PDE1C: variants seen among roughly 807,000 people sequenced by gnomAD.
The protein encoded by PDE1C is dual specificity calcium/calmodulin-dependent 3',5'-cyclic nucleotide phosphodiesterase 1C.
PDE1C carries 62 observed loss-of-function variants against 93.1 expected under a neutral mutation model. The observed-to-expected ratio is 0.67, with a 90% CI of 0.54 to 0.82. The LOEUF is 0.82. Among genes scored for constraint, PDE1C ranks in the 40% least tolerant of loss-of-function variants. PDE1C has a pLI of 0.00. For synonymous variants in PDE1C, 325 were observed against 310.1 expected (o/e 1.05, Z -0.50); for missense variants, 742 against 884.6 (o/e 0.84, Z 2.04).
chr7:32,269,438 A>T (rs1810818268), intron 1 of PDE1C, among the ~76,000 whole-genome samples: 1 of 142,270 alleles, frequency 7.0e-6, no homozygotes, highest in Non-Finnish European at 1.5e-5. Flanking sequence ...TGTAGGATAT[A>T]TTTTTTTGAT....
intron 1 of PDE1C, among the ~76,000 whole-genome samples, chr7:32,223,286 C>A (rs1051435881): frequency 1.8e-4 from 28 of 152,190 alleles, no homozygotes; most frequent in Non-Finnish European, 4.0e-4. Context: ...TAGTGGCCAC[C>A]CTGACAGACC....
chr7:32,246,241 T>A (rs1808940944), intron 1 of PDE1C, among the ~76,000 whole-genome samples: 1 of 152,150 alleles, frequency 6.6e-6, no homozygotes, highest in South Asian at 2.1e-4. Context: ...AGTGCTGGGA[T>A]TACAGGCGTG....
intron 3 of PDE1C, among the ~76,000 whole-genome samples, chr7:32,120,478 G>T (rs1405883952): frequency 6.6e-6 from 1 of 152,110 alleles, no homozygotes; most frequent in Non-Finnish European, 1.5e-5. Flanking sequence ...CATTCCTACT[G>T]GCATCAGGTT....
At chr7:32,221,621 G>A (rs541020259) in intron 1 of PDE1C, among the ~76,000 whole-genome samples, 13 of 152,288 alleles carry the variant, frequency 8.5e-5, no homozygotes, top group African/African-American at 1.4e-4. Flanking sequence ...GACATAACCC[G>A]CATTGAAAAG....
At chr7:32,386,842 C>T (rs1318122713) in intron 1 of PDE1C, among the ~76,000 whole-genome samples, 2 of 152,102 alleles carry the variant, frequency 1.3e-5, no homozygotes, top group Non-Finnish European at 2.9e-5. Flanking sequence ...TCGATTTGCC[C>T]TCTTACTGCA....
chr7:32,393,992 A>G (rs932725575), intron 1 of PDE1C, among the ~76,000 whole-genome samples: 19 of 152,198 alleles, frequency 1.2e-4, no homozygotes, highest in African/African-American at 4.3e-4. Context: ...TGCTTTTTTA[A>G]GATTGATAAA....
At chr7:31,769,167 G>T (rs1384570044) in intron 17 of PDE1C, among the ~76,000 whole-genome samples, 1 of 152,070 alleles carries the variant, frequency 6.6e-6, no homozygotes, top group African/African-American at 2.4e-5. Flanking sequence ...ATGTTTTAAT[G>T]TGCCTTCACT....
intron 1 of PDE1C, among the ~76,000 whole-genome samples, chr7:32,053,011 G>T (rs188680986): frequency 2.0e-5 from 3 of 152,230 alleles, no homozygotes; most frequent in Admixed American, 2.0e-4. Flanking sequence ...GGACTATATA[G>T]AGATATTTCC....
chr7:32,034,026 A>G (rs1377649718), intron 2 of PDE1C, among the ~76,000 whole-genome samples: 1 of 150,734 alleles, frequency 6.6e-6, no homozygotes, highest in African/African-American at 2.5e-5. Context: ...GGAAAATTAG[A>G]CTTAATCAGT....
chr7:32,382,706 C>G (rs976553154), intron 1 of PDE1C, among the ~76,000 whole-genome samples: 3 of 152,338 alleles, frequency 2.0e-5, no homozygotes, highest in African/African-American at 7.2e-5. Flanking sequence ...CGAGCACTTC[C>G]CATACTTCTC....
chr7:32,143,074 C>T (rs1800629066), intron 3 of PDE1C, among the ~76,000 whole-genome samples: 1 of 151,844 alleles, frequency 6.6e-6, no homozygotes, highest in Non-Finnish European at 1.5e-5. Flanking sequence ...CGTAAGAGAA[C>T]TACAAAGACA....
the PDE1C span, among the ~76,000 whole-genome samples, chr7:31,618,578 C>A: frequency 6.6e-6 from 1 of 152,144 alleles, no homozygotes; most frequent in African/African-American, 2.4e-5. Flanking sequence ...GCTTTGAAAC[C>A]AAAAGGGAGT....
intron 1 of PDE1C, among the ~76,000 whole-genome samples, chr7:32,057,530 G>T (rs889472154): frequency 6.6e-6 from 1 of 152,214 alleles, no homozygotes; most frequent in Non-Finnish European, 1.5e-5. Context: ...AGGGCAAAGA[G>T]CACTGACCTC....
At chr7:32,302,826 G>A (rs976517185), upstream of PDE1C, among the ~76,000 whole-genome samples, 11 of 152,132 alleles carry the variant, frequency 7.2e-5, no homozygotes, top group African/African-American at 2.4e-4. Flanking sequence ...CCATTCTCAG[G>A]TAGGAAGCTA....
intron 2 of PDE1C, among the ~76,000 whole-genome samples, chr7:31,898,001 A>G (rs1324418197): frequency 1.3e-5 from 2 of 151,084 alleles, no homozygotes; most frequent in African/African-American, 4.9e-5. Context: ...TTCCTAAGTA[A>G]CAGAAGGGTT....
At chr7:32,303,006 A>G (rs11771526), upstream of PDE1C, among the ~76,000 whole-genome samples, 13,203 of 152,224 alleles carry the variant, frequency 0.087, 641 homozygotes, top group Middle Eastern at 0.1. Context: ...GCTGCAGGCA[A>G]TGAAGTTTCT....
At chr7:32,427,964 G>A (rs1029783990) in exon 1 of PDE1C, 1 of 152,332 alleles carries the variant, frequency 6.6e-6, no homozygotes, top group Non-Finnish European at 1.5e-5. Context: ...CTACGGGAGG[G>A]GAGAGTGTCT....
chr7:31,623,446 C>G, the PDE1C span, among the ~76,000 whole-genome samples: 1 of 148,938 alleles, frequency 6.7e-6, no homozygotes, highest in Non-Finnish European at 1.5e-5. Flanking sequence ...AAGGCTGGTT[C>G]AATATACGCA....
intron 2 of PDE1C, among the ~76,000 whole-genome samples, chr7:31,992,817 G>GAA (rs1784291590): frequency 6.6e-6 from 1 of 152,074 alleles, no homozygotes; most frequent in African/African-American, 2.4e-5. Context: ...GCCACACAGA[G>GAA]AACATAATGA....
Sources: allele counts gnomAD v4.1 joint callset (sites outside exome capture counted in the v4.1 genomes callset), GRCh38; gene constraint gnomAD v4.1.1; transcripts MANE v1.5; gene names NCBI Gene and HGNC (gene_info 2026-07-23, HGNC 2026-07-21).